The following LRPPRC variants were observed in gnomAD, a reference collection of about 807,000 sequenced individuals.
LRPPRC encodes leucine-rich PPR motif-containing protein, mitochondrial.
In LRPPRC, 120 loss-of-function variants were observed where a neutral mutation model predicts 180.3. The observed-to-expected ratio is 0.67, with a 90% confidence interval of 0.57 to 0.77. The LOEUF is 0.77. Among genes scored for constraint, LRPPRC ranks in the 30% least tolerant of loss-of-function variants. The pLI is 0.00. For synonymous variants in LRPPRC, 723 were observed against 600.0 expected, an observed-to-expected ratio of 1.21 and a Z score of -3.00; for missense variants, 2,012 against 1,657.2, an observed-to-expected ratio of 1.21 and a Z score of -3.72.
At chr2:43,927,609 T>C (rs375531488) in intron 25 of LRPPRC, among the ~76,000 whole-genome samples, 57 of 152,340 alleles carry the variant, frequency 3.7e-4, no homozygotes, top group African/African-American at 1.1e-3. Context: ...TGAAAAACTA[T>C]GAAATAATCC....
intron 11 of LRPPRC, 109 bp downstream of exon 11, chr2:43,973,498 T>C: frequency 1.3e-6 from 1 of 767,500 alleles, no homozygotes; most frequent in East Asian, 2.5e-5. Context: ...CATTATCTCA[T>C]AATACTCAGG....
chr2:43,974,026 T>G (rs1673937761), intron 9 of LRPPRC, 124 bp downstream of exon 9: 1 of 1,196,442 alleles, frequency 8.4e-7, no homozygotes, highest in Non-Finnish European at 1.2e-6. Context: ...CCCAAAAATC[T>G]TGCAACACAA....
chr2:43,913,540 T>C (rs1016807665), intron 29 of LRPPRC, among the ~76,000 whole-genome samples: 2 of 152,234 alleles, frequency 1.3e-5, no homozygotes, highest in Non-Finnish European at 2.9e-5. Context: ...AGTTAGGGAA[T>C]GTGTGCATTA....
At chr2:43,889,966 C>A (rs1670427801) in intron 36 of LRPPRC, 90 bp from the exon 37 acceptor site, 1 of 884,478 alleles carries the variant, frequency 1.1e-6, no homozygotes, top group Non-Finnish European at 1.9e-6. Flanking sequence ...ACGGCTGGAT[C>A]CCTTTATCCC....
At chr2:43,983,381 A>G (rs1158112281) in intron 1 of LRPPRC, among the ~76,000 whole-genome samples, 1 of 152,142 alleles carries the variant, frequency 6.6e-6, no homozygotes, top group Non-Finnish European at 1.5e-5. Flanking sequence ...TTATAGAAAA[A>G]TCGTGCATTA....
In LRPPRC at chr2:43,887,319, G is replaced by A. The variant is rs1670304424; in HGVS notation, c.*1281C>T. 1 of 152,142 alleles carries A rather than the reference G, an allele frequency of 6.6e-6. No homozygotes were observed. Among genetic ancestry groups the A allele is most frequent in the African/African-American group, 2.4e-5 (1 of 41,406 alleles). 9.4% of individuals were successfully genotyped at this position (152,142 alleles called of 1,614,324 possible). On this transcript the variant is annotated 3_prime_UTR_variant, in exon 38 of 38. Transcript: ENST00000260665. Reference sequence around the variant, plus strand: ...ACAAAAAGAGTTGAAGTAAAAGCCTGGCCAATACCATGATGACATCTACTT... The same window carrying A: ...ACAAAAAGAGTTGAAGTAAAAGCCTAGCCAATACCATGATGACATCTACTT...
intron 25 of LRPPRC, among the ~76,000 whole-genome samples, chr2:43,926,586 C>G (rs879277398): frequency 6.6e-6 from 1 of 152,048 alleles, no homozygotes; most frequent in Non-Finnish European, 1.5e-5. Context: ...AGGCTGGTCT[C>G]GAACTCCTAG....
chr2:43,947,294 A>C lies in LRPPRC; in HGVS notation c.2042T>G (p.Val681Gly). The change falls in exon 20 of 38, where the codon GTC becomes GGC. Residue 681 changes from valine to glycine, a missense_variant. By Grantham distance (109) the Val-to-Gly change is moderately radical (BLOSUM62 -3). Coordinates refer to ENST00000260665, the MANE Select transcript of LRPPRC (RefSeq NM_133259.4). ...AAGCACTAATATGAGTTGCTTTAGG[A>C]CATCTCTTATAGGTTGATTTTCAGC... ...LKAENQPIRDVLKQLILVLCS... is the reference protein window; with the variant it reads ...LKAENQPIRDGLKQLILVLCS... The C allele has an allele frequency of 2.5e-6, 4 of 1,602,880 alleles. No homozygotes were observed. The highest frequency in any genetic ancestry group is 3.4e-6 in the Non-Finnish European group (4 of 1,171,032).
intron 30 of LRPPRC, among the ~76,000 whole-genome samples, chr2:43,910,236 TC>T (rs1291418854): frequency 1.9e-5 from 2 of 105,462 alleles, no homozygotes; most frequent in Non-Finnish European, 3.4e-5. Context: ...TACATCTCTC[TC>T]CCTTTTTTTT....
chr2:43,978,006 C>T (rs561704049), intron 3 of LRPPRC, among the ~76,000 whole-genome samples: 1 of 152,242 alleles, frequency 6.6e-6, no homozygotes, highest in African/African-American at 2.4e-5. Flanking sequence ...TGATTTTAGG[C>T]AGCAGAGAGC....
rs72798876 is a variant in LRPPRC at position 43,992,954 on chromosome 2, A to G, written c.149+2845T>C. 3.5e-3 allele frequency among the ~76,000 whole-genome samples: 536 copies of G among 152,302 alleles called. No homozygotes were observed. In the Middle Eastern group the frequency reaches 0.041, roughly 12 times the overall value. ...TGGAAAAGGTCACAAAAGAGAATGA[A>G]AATGTTGAGAAAACACAGAAGGACC... On this transcript the variant is annotated intron_variant, in intron 1 of 37. Coordinates refer to ENST00000260665, the MANE Select transcript of LRPPRC (RefSeq NM_133259.4).
chr2:43,942,780 C>T (rs1672530757), intron 23 of LRPPRC, among the ~76,000 whole-genome samples: 2 of 152,002 alleles, frequency 1.3e-5, no homozygotes, highest in Non-Finnish European at 2.9e-5. Flanking sequence ...GATATTTCTG[C>T]GTTTCAGTCA....
chr2:43,931,483 G>A (rs868643219), intron 25 of LRPPRC, among the ~76,000 whole-genome samples: 4 of 152,280 alleles, frequency 2.6e-5, no homozygotes, highest in African/African-American at 9.6e-5. Context: ...GAACGATAAA[G>A]GGAGGAACCT....
chr2:43,929,981 C>G (rs1264083468), intron 25 of LRPPRC, among the ~76,000 whole-genome samples: 1 of 151,720 alleles, frequency 6.6e-6, no homozygotes, highest in Non-Finnish European at 1.5e-5. Flanking sequence ...AACAAACAAA[C>G]AAACCCTAGC....
intron 6 of LRPPRC, among the ~76,000 whole-genome samples, chr2:43,975,772 C>T (rs530915224): frequency 6.6e-5 from 10 of 151,934 alleles, no homozygotes; most frequent in Admixed American, 6.6e-4. Context: ...TTGTAGAGAC[C>T]GGGTTTCACC....
intron 13 of LRPPRC, chr2:43,959,193 C>T: frequency 4.2e-6 from 3 of 716,410 alleles, no homozygotes; most frequent in Non-Finnish European, 7.8e-6. Context: ...TAATGCTTCT[C>T]TGTTTTCTTC....
rs143808911 is a variant in LRPPRC at position 43,906,665 on chromosome 2, C to G, written c.3276-885G>C. On this transcript the variant is annotated intron_variant, in intron 30 of 37. Transcript: ENST00000260665. ...TTGCCTTATCGAGCTCAGTGATGAC[C>G]CTGTTGCCAACAACAGCATGCCCTG... Among the ~76,000 whole-genome samples the G allele has an allele frequency of 2.4e-3, 370 of 152,230 alleles. 2 individuals carry two copies. Among genetic ancestry groups the G allele is most frequent in the East Asian group, 9.3e-3 (48 of 5,176 alleles).
intron 2 of LRPPRC, among the ~76,000 whole-genome samples, chr2:43,981,068 A>T (rs1177989360): frequency 3.9e-5 from 6 of 152,162 alleles, no homozygotes; most frequent in African/African-American, 1.4e-4. Flanking sequence ...GAAGCTACAG[A>T]ATCCTCTTAA....
chr2:43,968,990 A>G (rs1225433312), intron 11 of LRPPRC, among the ~76,000 whole-genome samples: 1 of 152,242 alleles, frequency 6.6e-6, no homozygotes, highest in East Asian at 1.9e-4. Flanking sequence ...ATATAAAATC[A>G]TTATATTGTA....
Sources: gnomAD v4.1 joint callset for allele counts (sites outside exome capture counted in the v4.1 genomes callset) on GRCh38, gnomAD v4.1.1 for gene constraint, MANE v1.5 for transcripts, NCBI Gene and HGNC (gene_info 2026-07-23, HGNC 2026-07-21) for gene names.